Variants in NT5DC1 observed in about 807,000 individuals in gnomAD.
NT5DC1 encodes the protein 5'-nucleotidase domain containing 1, also known as 5'-nucleotidase domain-containing protein 1.
NT5DC1 carries 42 observed loss-of-function variants against 59.4 expected under a neutral mutation model. That is an observed-to-expected ratio of 0.71 (90% CI 0.55 to 0.92). The LOEUF is 0.92. Among genes scored for constraint, NT5DC1 ranks in the 40% least tolerant of loss-of-function variants. The probability of loss-of-function intolerance (pLI) is 0.00; values close to 1 mark genes in which losing one functional copy is unlikely to be tolerated. For missense variants in NT5DC1, 501 were observed against 537.1 expected (o/e 0.93, Z 0.66); for synonymous variants, 172 against 188.1 (o/e 0.91, Z 0.70).
chr6:116,119,820 AT>A, intron 6 of NT5DC1: 1 of 389,158 alleles, frequency 2.6e-6, no homozygotes, highest in Non-Finnish European at 4.5e-6. Flanking sequence ...CTTTGGTGAT[AT>A]TTTTTAATAT....
At chr6:116,103,375 A>G (rs1047337072) in intron 1 of NT5DC1, among the ~76,000 whole-genome samples, 3 of 152,068 alleles carry the variant, frequency 2.0e-5, no homozygotes, top group Admixed American at 1.3e-4. Context: ...GCATCAAGCA[A>G]CGGGGCACAG....
intron 6 of NT5DC1, among the ~76,000 whole-genome samples, chr6:116,164,413 C>CT (rs1230575551): frequency 1.3e-5 from 2 of 152,032 alleles, no homozygotes; most frequent in African/African-American, 2.4e-5. Context: ...AACCCCTGGT[C>CT]TTTTTTGTTC....
intron 6 of NT5DC1, among the ~76,000 whole-genome samples, chr6:116,123,108 A>G (rs1314604377): frequency 2.0e-5 from 3 of 152,190 alleles, no homozygotes; most frequent in African/African-American, 7.2e-5. Flanking sequence ...ACTATGTTAG[A>G]TTGAGCTTTG....
intron 1 of NT5DC1, among the ~76,000 whole-genome samples, chr6:116,101,735 G>A (rs1778661939): frequency 6.6e-6 from 1 of 152,190 alleles, no homozygotes; most frequent in Non-Finnish European, 1.5e-5. Flanking sequence ...GAGTATGCAT[G>A]CTTCCAGACC....
At chr6:116,198,706 G>C (rs1278092293) in intron 6 of NT5DC1, among the ~76,000 whole-genome samples, 1 of 151,918 alleles carries the variant, frequency 6.6e-6, no homozygotes, top group Non-Finnish European at 1.5e-5. Flanking sequence ...TCCAGCCTGG[G>C]CAACAGGGGA....
chr6:116,135,412 C>G (rs957981977), intron 6 of NT5DC1, among the ~76,000 whole-genome samples: 6 of 148,730 alleles, frequency 4.0e-5, no homozygotes, highest in African/African-American at 1.5e-4. Context: ...TCCATAACCG[C>G]CCCCCCCACC....
chr6:116,102,670 T>C (rs1283429514), intron 1 of NT5DC1, among the ~76,000 whole-genome samples: 1 of 152,256 alleles, frequency 6.6e-6, no homozygotes, highest in Non-Finnish European at 1.5e-5. Flanking sequence ...AAGTGATGTT[T>C]AAAGCTTGAA....
chr6:116,100,855 T>A lies in NT5DC1; in HGVS notation c.-76T>A. ...CGCCCCGCCGCGTCCGGCCCGGTCC[T>A]GTCCCGCAGCGTCCCGCCAGCCAGC... On this transcript the variant is annotated 5_prime_UTR_variant, in exon 1 of 12. Coordinates refer to ENST00000319550, the MANE Select transcript of NT5DC1 (RefSeq NM_152729.3). 2.6e-6 allele frequency: 3 copies of A among 1,172,908 alleles called. No homozygotes were observed. Among genetic ancestry groups the A allele is most frequent in the Non-Finnish European group, 3.6e-6 (3 of 842,290 alleles). The allele number at this position is 1,172,908 out of a possible 1,614,324, so 72.7% of individuals were successfully genotyped here.
intron 6 of NT5DC1, among the ~76,000 whole-genome samples, chr6:116,180,820 G>A (rs2351141): frequency 0.51 from 77,370 of 151,916 alleles, 20,797 homozygotes; most frequent in African/African-American, 0.69. Context: ...CTGTAGGTTA[G>A]AGGACATTTA....
At chr6:116,108,566 A>G (rs1027712341) in intron 3 of NT5DC1, 131 bp downstream of exon 3, 3 of 628,702 alleles carry the variant, frequency 4.8e-6, no homozygotes, top group South Asian at 2.0e-5. Context: ...TTGTCTGTCT[A>G]CATGTCTTTG....
chr6:116,162,627 C>G lies in NT5DC1; in HGVS notation c.529+44682C>G, dbSNP rs567240757. On this transcript the variant is annotated intron_variant, in intron 6 of 11. Transcript: ENST00000319550. ...CCTTGTGTTCCCAGAATAAAACCCACTTGATCGTGATGAATTATCTTTTTG... is the reference window on the plus strand; with the variant it reads ...CCTTGTGTTCCCAGAATAAAACCCAGTTGATCGTGATGAATTATCTTTTTG... Among the ~76,000 whole-genome samples, 4 of 152,244 alleles carry G rather than the reference C, an allele frequency of 2.6e-5. No individual in the cohort carries two copies. The South Asian group carries it at 8.3e-4, about 32-fold the overall frequency.
intron 6 of NT5DC1, among the ~76,000 whole-genome samples, chr6:116,201,463 A>G (rs1781344611): frequency 6.6e-6 from 1 of 152,030 alleles, no homozygotes; most frequent in Non-Finnish European, 1.5e-5. Context: ...AGAAGAATTG[A>G]CCAATCAAAT....
rs1195929800 is a variant in NT5DC1 at position 116,146,972 on chromosome 6, T to C, written c.529+29027T>C. 9.3e-5 allele frequency among the ~76,000 whole-genome samples: 13 copies of C among 139,120 alleles called. No homozygotes were observed. In the East Asian group the frequency reaches 2.4e-3, roughly 25 times the overall value. 91.3% of individuals were successfully genotyped at this position (139,120 alleles called of 152,430 possible). ...ACTACCAGTAGAAAAGGTAGGGGAATATTTTATATATGTATAAAATAATAT... is the reference window on the plus strand; with the variant it reads ...ACTACCAGTAGAAAAGGTAGGGGAACATTTTATATATGTATAAAATAATAT... On this transcript the variant is annotated intron_variant, in intron 6 of 11. Transcript: ENST00000319550.
chr6:116,164,730 C>T (rs1488325294), intron 6 of NT5DC1, among the ~76,000 whole-genome samples: 1 of 152,078 alleles, frequency 6.6e-6, no homozygotes, highest in Non-Finnish European at 1.5e-5. Context: ...TTCCTTTTAG[C>T]ATTTTTGGTG....
At chr6:116,142,402 AT>A (rs1381458758) in intron 6 of NT5DC1, among the ~76,000 whole-genome samples, 1 of 152,064 alleles carries the variant, frequency 6.6e-6, no homozygotes, top group Non-Finnish European at 1.5e-5. Flanking sequence ...TTCAGGTTTC[AT>A]TTTTTACATT....
rs1771886414 is a variant in NT5DC1, at chr6:116,248,281, T to A, written c.*4257T>A. ...TTAAATGGAAATAATAAAACTTGTG[T>A]TACAAGGATTATCAAAGTAATATGT... On this transcript the variant is annotated 3_prime_UTR_variant, in exon 12 of 12. Transcript: ENST00000319550. 1 of 152,208 alleles carries A rather than the reference T, an allele frequency of 6.6e-6. No individual in the cohort carries two copies. Among genetic ancestry groups the A allele is most frequent in the Non-Finnish European group, 1.5e-5 (1 of 68,034 alleles). 9.4% of individuals were successfully genotyped at this position (152,208 alleles called of 1,614,324 possible).
At chr6:116,136,049 C>T (rs1187353957) in intron 6 of NT5DC1, among the ~76,000 whole-genome samples, 3 of 151,984 alleles carry the variant, frequency 2.0e-5, no homozygotes, top group African/African-American at 2.4e-5. Context: ...ATTCATCCTA[C>T]GTAACTGAAA....
At chr6:116,240,672 ATAAT>A (rs1771694740) in intron 11 of NT5DC1, among the ~76,000 whole-genome samples, 1 of 152,254 alleles carries the variant, frequency 6.6e-6, no homozygotes, top group Non-Finnish European at 1.5e-5. Context: ...AATGCCAAAG[ATAAT>A]TAAATATTAA....
At position 116,191,413 on chromosome 6, in the gene NT5DC1, A is replaced by AT. The variant is rs550644596; in HGVS notation, c.530-29639dup. Among the ~76,000 whole-genome samples the AT allele has an allele frequency of 5.8e-3, 879 of 152,152 alleles. 17 individuals are homozygous for AT. The highest frequency in any genetic ancestry group is 0.046 in the South Asian group (223 of 4,832). ...CTCTCTGGAAGGGGAAGGAGAGGAG[A>AT]TTCACGGGAAAGAAGAGGAGGGAAA... On this transcript the variant is annotated intron_variant, in intron 6 of 11. Coordinates refer to ENST00000319550, the MANE Select transcript of NT5DC1 (RefSeq NM_152729.3).
Sources: gnomAD v4.1 joint callset for allele counts (sites outside exome capture counted in the v4.1 genomes callset) on GRCh38, gnomAD v4.1.1 for gene constraint, MANE v1.5 for transcripts, NCBI Gene and HGNC (gene_info 2026-07-23, HGNC 2026-07-21) for gene names.